SLC2A8: variants seen among roughly 807,000 people sequenced by gnomAD.
The protein encoded by SLC2A8 is solute carrier family 2 member 8.
A neutral mutation model predicts 49.2 loss-of-function variants in SLC2A8; 53 were observed. The ratio of observed to expected loss-of-function variants is 1.08; its 90% confidence interval spans 0.86 to 1.35. The LOEUF (loss-of-function observed/expected upper bound fraction) is 1.35, where lower values mean the gene tolerates loss of function less well. SLC2A8 is among the 40% of genes most tolerant of loss of function. The pLI, the probability that SLC2A8 is intolerant of heterozygous loss-of-function variation, is 0.00. For missense variants in SLC2A8, 688 were observed against 671.7 expected, an observed-to-expected ratio of 1.02 and a Z score of -0.27; for synonymous variants, 299 against 297.0, an observed-to-expected ratio of 1.01 and a Z score of -0.07.
chr9:127,403,536 C>A, intron 5 of SLC2A8, 124 bp from the exon 6 acceptor site: 2 of 1,141,434 alleles, frequency 1.8e-6, no homozygotes, highest in Non-Finnish European at 1.3e-6. Flanking sequence ...ACAGGGGGTG[C>A]TGGGATGAGG....
chr9:127,407,696 C>T lies in SLC2A8; in HGVS notation c.*447C>T, dbSNP rs1333358961. On this transcript the variant is annotated 3_prime_UTR_variant, in exon 10 of 10. Transcript: ENST00000373371. ...TCAGTGTCTCTGGGCTTTGTGCAAG[C>T]TCAGTTTGAAAAGGGTTTATTCCCA... The T allele has an allele frequency of 3.2e-6, 1 of 310,504 alleles. No homozygotes were observed. The highest frequency in any genetic ancestry group is 4.1e-5 in the Admixed American group (1 of 24,362). 19.2% of individuals were successfully genotyped at this position (310,504 alleles called of 1,614,324 possible).
chr9:127,402,257 C>T (rs41276192), intron 4 of SLC2A8: 5,703 of 364,150 alleles, frequency 0.016, 71 homozygotes, highest in Non-Finnish European at 0.022. Flanking sequence ...TCATACCATG[C>T]GGACACGCAG....
chr9:127,405,663 C>A, intron 9 of SLC2A8, 98 bp downstream of exon 9: 1 of 1,477,052 alleles, frequency 6.8e-7, no homozygotes, highest in Non-Finnish European at 9.2e-7. Context: ...CGTGGCCTTA[C>A]ATGCAGCCTG....
chr9:127,401,232 T>C (rs1406247767), intron 4 of SLC2A8, among the ~76,000 whole-genome samples: 2 of 152,250 alleles, frequency 1.3e-5, no homozygotes, highest in Admixed American at 1.3e-4. Flanking sequence ...GAAATGGGCA[T>C]AACCTCATCT....
At position 127,397,243 on chromosome 9, in the gene SLC2A8, G is replaced by A. The variant is rs1206162998; in HGVS notation, c.13G>A (p.Asp5Asn). The A allele has an allele frequency of 4.8e-6, 7 of 1,447,666 alleles. No homozygotes were observed. In the South Asian group the frequency reaches 9.5e-5, roughly 20 times the overall value. The allele number at this position is 1,447,666 out of a possible 1,614,324, so 89.7% of individuals were successfully genotyped here. A position where few individuals can be genotyped will look rare whatever the true frequency, so the allele number is the denominator to read the frequency against. The change falls in exon 1 of 10, where the codon GAC becomes AAC. Residue 5 changes from aspartate to asparagine, a missense_variant. Asp to Asn is a conservative substitution (Grantham distance 23). Coordinates refer to ENST00000373371, the MANE Select transcript of SLC2A8 (RefSeq NM_014580.5). MTPE[D>N]PEETQPLLGP... ...GTTGGCCGCCGACATGACGCCCGAGGACCCAGAGGAAACCCAGCCGCTTCT... is the reference window on the plus strand; with the variant it reads ...GTTGGCCGCCGACATGACGCCCGAGAACCCAGAGGAAACCCAGCCGCTTCT...
rs112799596 is a variant in SLC2A8, at chr9:127,407,278, C to T, written c.*29C>T. ...CCACTCACTAGGGGATGGAGCAAGC[C>T]TGTGACTCCAAGCTGGGCCCAAGCC... On this transcript the variant is annotated 3_prime_UTR_variant, in exon 10 of 10. Transcript: ENST00000373371. The T allele has an allele frequency of 2.2e-5, 35 of 1,611,968 alleles. No individual in the cohort carries two copies. In the African/African-American group the frequency reaches 2.8e-4, roughly 13 times the overall value.
chr9:127,405,054 C>T lies in SLC2A8; in HGVS notation c.1150+63C>T, dbSNP rs537102387. On this transcript the variant is annotated intron_variant, in intron 8 of 9. Transcript: ENST00000373371. Reference sequence around the variant, plus strand: ...GGTGATCCCCCCGGCCCTGCTGTGGCGGCTCCCGGCAGGTGGGGTCTTCCC... The same window carrying T: ...GGTGATCCCCCCGGCCCTGCTGTGGTGGCTCCCGGCAGGTGGGGTCTTCCC... The T allele has an allele frequency of 2.9e-5, 45 of 1,529,268 alleles. 1 individual carries two copies. The South Asian group carries it at 3.0e-4, about 10-fold the overall frequency. 94.7% of individuals were successfully genotyped at this position (1,529,268 alleles called of 1,614,324 possible). A position where few individuals can be genotyped will look rare whatever the true frequency, so the allele number is the denominator to read the frequency against.
intron 3 of SLC2A8, among the ~76,000 whole-genome samples, chr9:127,398,911 C>T (rs951375263): frequency 6.6e-6 from 1 of 152,236 alleles, no homozygotes; most frequent in African/African-American, 2.4e-5. Flanking sequence ...AAAGCAGCCA[C>T]TCAGGCCCCT....
intron 4 of SLC2A8, 163 bp from the exon 5 acceptor site, chr9:127,402,394 C>T: frequency 2.6e-6 from 3 of 1,148,798 alleles, no homozygotes; most frequent in Non-Finnish European, 3.5e-6. Context: ...GTGCCATGTG[C>T]CTTCATGAAC....
intron 7 of SLC2A8, 119 bp downstream of exon 7, chr9:127,404,186 G>A (rs914590088): frequency 2.0e-5 from 14 of 697,474 alleles, no homozygotes; most frequent in Admixed American, 2.9e-5. Flanking sequence ...GGACTAATGC[G>A]GCCATGATTT....
chr9:127,397,835 G>A, intron 2 of SLC2A8, 70 bp from the exon 3 acceptor site: 2 of 1,380,400 alleles, frequency 1.4e-6, no homozygotes, highest in South Asian at 3.0e-5. Context: ...CTGAGCCCGC[G>A]GGGAGTGGGT....
At position 127,399,785 on chromosome 9, in the gene SLC2A8, T is replaced by C. The variant is rs1185377023; in HGVS notation, c.427-122T>C. On this transcript the variant is annotated intron_variant, in intron 3 of 9. Transcript: ENST00000373371. This position sits in a 1 kb window ranked among gnomAD's most constrained non-coding sequence, Gnocchi z 4.2. ...TAGTAGAGATGGGGTTTCTCCCTGT[T>C]GGTCAGGCCAGTCTCAAACTCCCAA... is the stretch of plus-strand genomic sequence containing the variant. 11 of 690,004 alleles carry C rather than the reference T, an allele frequency of 1.6e-5. No individual in the cohort carries two copies. Among genetic ancestry groups the C allele is most frequent in the East Asian group, 1.3e-4 (5 of 37,052 alleles). 42.7% of individuals were successfully genotyped at this position (690,004 alleles called of 1,614,324 possible).
chr9:127,403,226 A>G (rs1375607118), intron 5 of SLC2A8: 1 of 235,958 alleles, frequency 4.2e-6, no homozygotes, highest in East Asian at 9.8e-5. Context: ...TCAGTGGGGG[A>G]AAGGAAGGCG....
At chr9:127,405,131 C>T in intron 8 of SLC2A8, 140 bp downstream of exon 8, 1 of 978,506 alleles carries the variant, frequency 1.0e-6, no homozygotes, top group South Asian at 1.7e-5. Flanking sequence ...CTAGCTCTGA[C>T]CACATGCAGC....
At chr9:127,406,061 C>T (rs746408117) in intron 9 of SLC2A8, 3 of 518,914 alleles carry the variant, frequency 5.8e-6, no homozygotes, top group South Asian at 4.2e-5. Context: ...TGGACTGGCA[C>T]AGGTGTGGCC....
At position 127,399,049 on chromosome 9, in the gene SLC2A8, G is replaced by T. The variant is rs1464857800; in HGVS notation, c.427-858G>T. 6.6e-6 allele frequency among the ~76,000 whole-genome samples: 1 copy of T among 152,216 alleles called. No homozygotes were observed. The highest frequency in any genetic ancestry group is 6.5e-5 in the Admixed American group (1 of 15,284). ...CTGGGCAGAAACACACCTGTGTTAGGGGCCTAAGCTATGGAATAACCTTAG... is the reference window on the plus strand; with the variant it reads ...CTGGGCAGAAACACACCTGTGTTAGTGGCCTAAGCTATGGAATAACCTTAG... On this transcript the variant is annotated intron_variant, in intron 3 of 9. Coordinates refer to ENST00000373371, the MANE Select transcript of SLC2A8 (RefSeq NM_014580.5). This position sits in a 1 kb window ranked among gnomAD's most constrained non-coding sequence, Gnocchi z 4.2.
rs763600789 is a variant in SLC2A8, at chr9:127,403,932, G to A, written c.868-27G>A. Reference sequence around the variant, plus strand: ...GACCCAGCTCTCAGCTGGCCCACCTGACCTGCCTGGGCTCTGTCTCCCCCA... The same window carrying A: ...GACCCAGCTCTCAGCTGGCCCACCTAACCTGCCTGGGCTCTGTCTCCCCCA... On this transcript the variant is annotated intron_variant, in intron 6 of 9. Transcript: ENST00000373371. 6 of 1,607,436 alleles carry A rather than the reference G, an allele frequency of 3.7e-6. No individual in the cohort carries two copies. In the South Asian group the frequency reaches 5.5e-5, roughly 15 times the overall value.
rs1396148351 is a variant in SLC2A8, at chr9:127,407,244, C to T, written c.1429C>T (p.Arg477Ter). 8.1e-6 allele frequency: 13 copies of T among 1,612,870 alleles called. No individual in the cohort carries two copies. Among genetic ancestry groups the T allele is most frequent in the African/African-American group, 8.0e-5 (6 of 74,932 alleles). Residue 477 changes from arginine to a stop codon, truncating the protein, a stop_gained, in exon 10 of 10, where the codon CGA (arginine) becomes TGA (stop). Transcript: ENST00000373371. LOFTEE classifies it high-confidence loss of function. ...LEQITAHFEG[R>*] is the part of the protein sequence containing the mutation. ...ACAAATCACAGCCCATTTTGAGGGG[C>T]GATGACAGCCACTCACTAGGGGATG...
Position 127,402,639 on chromosome 9 carries a change from C to G in SLC2A8, c.609C>G (p.Pro203=). 2 of 1,594,672 alleles carry G rather than the reference C, an allele frequency of 1.3e-6. No homozygotes were observed. Among genetic ancestry groups the G allele is most frequent in the Non-Finnish European group, 1.7e-6 (2 of 1,172,822 alleles). ...SLMLLLMCFM[P]ETPRFLLTQH... is the part of the protein sequence containing the mutation. ...TGCTGCTTCTCATGTGCTTCATGCCCGAGACCCCGCGCTTCCTGCTGACTC... is the reference window on the plus strand; with the variant it reads ...TGCTGCTTCTCATGTGCTTCATGCCGGAGACCCCGCGCTTCCTGCTGACTC... The change falls in exon 5 of 10, where the codon CCC becomes CCG. Residue 203 remains proline (P), a synonymous_variant. Transcript: ENST00000373371.
Sources: allele counts gnomAD v4.1 joint callset (sites outside exome capture counted in the v4.1 genomes callset), GRCh38; gene constraint gnomAD v4.1.1; non-coding constraint Gnocchi (gnomAD v3.1); transcripts MANE v1.5; gene names NCBI Gene and HGNC (gene_info 2026-07-23, HGNC 2026-07-21).